ENPP2: variants seen among roughly 807,000 people sequenced by gnomAD.
The protein encoded by ENPP2 is autotaxin.
In ENPP2, 51 loss-of-function variants were observed where a neutral mutation model predicts 120.2. The ratio of observed to expected loss-of-function variants is 0.42; its 90% CI spans 0.34 to 0.54. ENPP2 has a LOEUF of 0.54. ENPP2 is among the 20% of genes least tolerant of loss of function. The pLI is 0.04. For missense variants in ENPP2, 920 were observed against 1,066.5 expected (o/e 0.86, Z 1.91); for synonymous variants, 365 against 366.4 (o/e 1.00, Z 0.04).
At position 119,590,757 on chromosome 8, in the gene ENPP2, C is replaced by T. The variant is rs185076771; in HGVS notation, c.1082-127G>A. 1,001 of 576,424 alleles carry T rather than the reference C, an allele frequency of 1.7e-3. 1 individual carries two copies. Among genetic ancestry groups the T allele is most frequent in the Non-Finnish European group, 1.7e-3 (614 of 354,590 alleles). 35.7% of individuals were successfully genotyped at this position (576,424 alleles called of 1,614,324 possible). A position where few individuals can be genotyped will look rare whatever the true frequency, so the allele number is the denominator to read the frequency against. ...AGTAACTTAATGGGAAGAGCCCTGA[C>T]TTTTGAGATTTTTGTATTTGACTTT... On this transcript the variant is annotated intron_variant, in intron 12 of 24. Transcript: ENST00000075322.
At chr8:119,645,773 C>T (rs575827155) in intron 1 of ENPP2, among the ~76,000 whole-genome samples, 1 of 150,568 alleles carries the variant, frequency 6.6e-6, no homozygotes, top group Non-Finnish European at 1.5e-5. Context: ...TGAGATCGCA[C>T]CATTGCACTC....
chr8:119,667,905 C>T (rs1408635803), intron 1 of ENPP2, among the ~76,000 whole-genome samples: 1 of 152,160 alleles, frequency 6.6e-6, no homozygotes, highest in Non-Finnish European at 1.5e-5. Flanking sequence ...TTCTCTCATC[C>T]CCTCTCTTGC....
intron 1 of ENPP2, among the ~76,000 whole-genome samples, chr8:119,651,139 T>C (rs1416376196): frequency 2.0e-5 from 3 of 152,118 alleles, no homozygotes; most frequent in Admixed American, 6.6e-5. Flanking sequence ...CAGATGGGCA[T>C]GTATTATAAT....
chr8:119,570,294 A>AAAAAAAAAAAAAAAGGGGGGG (rs1814854910), intron 20 of ENPP2, among the ~76,000 whole-genome samples: 1 of 129,040 alleles, frequency 7.7e-6, no homozygotes. Context: ...AAAAAAAAAC[A>AAAAAAAAAAAAAAAGGGGGGG]GATGCTGATA....
intron 1 of ENPP2, among the ~76,000 whole-genome samples, chr8:119,644,587 A>AATATATATATATATATATATATAT (rs33966650): frequency 1.0e-4 from 6 of 59,980 alleles, no homozygotes; most frequent in Non-Finnish European, 1.6e-4. Context: ...AGATTACTAA[A>AATATATATATATATATATATATAT]ATATATATAT....
At chr8:119,594,645 G>A (rs1042018307) in intron 11 of ENPP2, among the ~76,000 whole-genome samples, 1 of 152,176 alleles carries the variant, frequency 6.6e-6, no homozygotes, top group African/African-American at 2.4e-5. Flanking sequence ...CAGCATGAAT[G>A]TCCTCACATA....
chr8:119,581,063 G>A (rs1470857346), intron 18 of ENPP2: 2 of 152,046 alleles, frequency 1.3e-5, no homozygotes, highest in African/African-American at 4.8e-5. Context: ...GTCAGGAGTT[G>A]AAGACCAGCC....
chr8:119,621,088 C>T (rs1288172445), intron 4 of ENPP2, among the ~76,000 whole-genome samples: 1 of 152,202 alleles, frequency 6.6e-6, no homozygotes, highest in Non-Finnish European at 1.5e-5. Flanking sequence ...ACTGCATGTA[C>T]CGAATTCCTG....
chr8:119,621,780 T>C (rs1411209441), intron 3 of ENPP2, among the ~76,000 whole-genome samples: 2 of 152,206 alleles, frequency 1.3e-5, no homozygotes, highest in African/African-American at 4.8e-5. Flanking sequence ...GGCAAGCAAG[T>C]ATCCCTACGA....
intron 14 of ENPP2, among the ~76,000 whole-genome samples, 191 bp downstream of exon 14, chr8:119,586,853 T>G (rs1435110631): frequency 6.6e-6 from 1 of 152,152 alleles, no homozygotes. Context: ...CCAAGACCAT[T>G]AGGGAGCCTG....
intron 5 of ENPP2, among the ~76,000 whole-genome samples, chr8:119,618,724 G>A (rs1483503587): frequency 2.0e-5 from 3 of 151,456 alleles, no homozygotes; most frequent in Non-Finnish European, 2.9e-5. Context: ...TAGTAGAGGC[G>A]GGGTGTCACC....
chr8:119,615,786 T>C lies in ENPP2; in HGVS notation c.777+479A>G, dbSNP rs1815414870. Among the ~76,000 whole-genome samples, 6 of 152,214 alleles carry C rather than the reference T, an allele frequency of 3.9e-5. No individual in the cohort carries two copies. The South Asian group carries it at 1.2e-3, about 31-fold the overall frequency. On this transcript the variant is annotated intron_variant, in intron 8 of 24. Coordinates refer to ENST00000075322, the MANE Select transcript of ENPP2 (RefSeq NM_001040092.3). ...GTCACAGTCATACACTTCTCTTTTT[T>C]ATTATACGCCTAAATCTGGGAAATC... is the stretch of plus-strand genomic sequence containing the variant.
intron 1 of ENPP2, among the ~76,000 whole-genome samples, chr8:119,644,625 T>TATACACAC (rs1327738777): frequency 6.5e-4 from 48 of 74,304 alleles, no homozygotes; most frequent in African/African-American, 2.2e-3. Context: ...TATATATATA[T>TATACACAC]ACACACACAC....
At chr8:119,658,721 C>T (rs1039702398) in intron 1 of ENPP2, among the ~76,000 whole-genome samples, 7 of 152,154 alleles carry the variant, frequency 4.6e-5, no homozygotes, top group African/African-American at 1.7e-4. Flanking sequence ...ACATTCTGCA[C>T]CCCAGGCCAC....
chr8:119,618,334 G>C (rs2130717397), intron 5 of ENPP2: 1 of 477,264 alleles, frequency 2.1e-6, no homozygotes, highest in Non-Finnish European at 4.2e-6. Context: ...CTGTATAAGA[G>C]AATCCAATGG....
At chr8:119,571,931 C>A (rs1815023070) in intron 19 of ENPP2, 1 of 367,332 alleles carries the variant, frequency 2.7e-6, no homozygotes, top group Non-Finnish European at 4.9e-6. Context: ...GGATTTGAGA[C>A]AAAGCGGCCC....
intron 24 of ENPP2, among the ~76,000 whole-genome samples, chr8:119,559,103 C>T (rs564755638): frequency 6.6e-6 from 1 of 152,120 alleles, no homozygotes; most frequent in East Asian, 1.9e-4. Context: ...ACCCTCCTAA[C>T]CCAACCTAAC....
At chr8:119,650,790 T>A (rs965273849) in intron 1 of ENPP2, among the ~76,000 whole-genome samples, 3 of 152,172 alleles carry the variant, frequency 2.0e-5, no homozygotes, top group Non-Finnish European at 4.4e-5. Context: ...CTCTGCCATA[T>A]CTCTTTCATC....
intron 2 of ENPP2, among the ~76,000 whole-genome samples, chr8:119,631,325 T>G (rs1218756277): frequency 6.9e-6 from 1 of 145,738 alleles, no homozygotes; most frequent in East Asian, 2.2e-4. Flanking sequence ...CACACCATTC[T>G]CCTGCCTCAG....
Sources: gnomAD v4.1 joint callset for allele counts (sites outside exome capture counted in the v4.1 genomes callset) on GRCh38, gnomAD v4.1.1 for gene constraint, MANE v1.5 for transcripts, NCBI Gene and HGNC (gene_info 2026-07-23, HGNC 2026-07-21) for gene names.